The following SUDS3 variants were observed in gnomAD, a reference collection of about 807,000 sequenced individuals.
SUDS3 encodes SIN3A corepressor complex component SDS3.
Under a neutral mutation model 53.5 loss-of-function variants are expected in SUDS3, and 23 were observed. The observed-to-expected ratio is 0.43, with a 90% CI of 0.31 to 0.61. The LOEUF (loss-of-function observed/expected upper bound fraction) is 0.61. Ranked by LOEUF, SUDS3 falls within the 20% of genes least tolerant of loss-of-function variation. SUDS3 has a pLI of 0.10. For missense variants in SUDS3, 291 were observed against 405.9 expected, an observed-to-expected ratio of 0.72 and a Z score of 2.43; for synonymous variants, 150 against 148.5, an observed-to-expected ratio of 1.01 and a Z score of -0.08.
intron 3 of SUDS3, among the ~76,000 whole-genome samples, chr12:118,385,311 A>G (rs1373021378): frequency 6.6e-6 from 1 of 152,036 alleles, no homozygotes; most frequent in Non-Finnish European, 1.5e-5. Context: ...GTTTCACCAC[A>G]TTGGCCAGGC....
chr12:118,387,674 C>T lies in SUDS3; in HGVS notation c.340+1489C>T, dbSNP rs2046127455. ...TCAAGCGATTCTCATGCCTCAGCCT[C>T]CTGAGTAGCTGGAATTACAGGCGCC... is the stretch of plus-strand genomic sequence containing the variant. On this transcript the variant is annotated intron_variant, in intron 4 of 11. Coordinates refer to ENST00000543473, the MANE Select transcript of SUDS3 (RefSeq NM_022491.3). Among the ~76,000 whole-genome samples the T allele has an allele frequency of 2.0e-5, 3 of 152,134 alleles. No homozygotes were observed. In the South Asian group the frequency reaches 6.2e-4, roughly 32 times the overall value.
intron 6 of SUDS3, among the ~76,000 whole-genome samples, chr12:118,396,088 A>G (rs2046212647): frequency 6.6e-6 from 1 of 152,128 alleles, no homozygotes. Context: ...CTGCTAGAGA[A>G]GGGCATGATG....
At chr12:118,383,902 G>A in intron 2 of SUDS3, 110 bp from the exon 3 acceptor site, 1 of 921,690 alleles carries the variant, frequency 1.1e-6, no homozygotes, top group South Asian at 1.6e-5. Flanking sequence ...CTTCCCTGAA[G>A]GACATTAATG....
At chr12:118,397,897 C>T (rs1172790720) in intron 6 of SUDS3, among the ~76,000 whole-genome samples, 1 of 152,144 alleles carries the variant, frequency 6.6e-6, no homozygotes, top group Non-Finnish European at 1.5e-5. Flanking sequence ...GAGCAGAGCA[C>T]ACTCAGCCAC....
In SUDS3 at chr12:118,415,783, TGGG is replaced by T. The variant is rs151190913; in HGVS notation, c.*1354_*1356del. On this transcript the variant is annotated 3_prime_UTR_variant, in exon 12 of 12. Coordinates refer to ENST00000543473, the MANE Select transcript of SUDS3 (RefSeq NM_022491.3). ...TTGATGTACATACCCCCAAGCAAGT[TGGG>T]GGGACTGTGATGACAATTAAATCAC... 0.11 allele frequency: 17,451 copies of T among 152,036 alleles called. 1,262 individuals carry two copies. Among genetic ancestry groups the T allele is most frequent in the Middle Eastern group, 0.19 (56 of 294 alleles). 9.4% of individuals were successfully genotyped at this position (152,036 alleles called of 1,614,324 possible).
chr12:118,414,343 G>A lies in SUDS3; in HGVS notation c.897G>A (p.Val299=). 4 of 1,602,832 alleles carry A rather than the reference G, an allele frequency of 2.5e-6. No individual in the cohort carries two copies. In the South Asian group the frequency reaches 3.4e-5, roughly 14 times the overall value. Residue 299 remains valine (V), a synonymous_variant, in exon 12 of 12, where the codon GTG becomes GTA. Coordinates refer to ENST00000543473, the MANE Select transcript of SUDS3 (RefSeq NM_022491.3). ...TTTCCTCTCCCCTGCAGATCTGGGT[G>A]AGGAAGACAAGTGACAGCACCAAGA... ...ISSVGANEIW[V]RKTSDSTKMR...
chr12:118,403,569 A>T, intron 10 of SUDS3, 52 bp downstream of exon 10: 1 of 1,423,712 alleles, frequency 7.0e-7, no homozygotes. Context: ...AACCACTTGG[A>T]AAGAGGGCTG....
Position 118,401,138 on chromosome 12 carries a change from T to G in SUDS3, c.613+384T>G, listed in dbSNP as rs1180243079. Among the ~76,000 whole-genome samples the G allele has an allele frequency of 2.6e-5, 4 of 152,376 alleles. No homozygotes were observed. In the East Asian group the frequency reaches 5.8e-4, roughly 22 times the overall value. ...AGTAATATCTACCTTTATGTACCTC[T>G]GTTATCTATGTCCATAATGTAGTGG... is the stretch of plus-strand genomic sequence containing the variant. On this transcript the variant is annotated intron_variant, in intron 7 of 11. Coordinates refer to ENST00000543473, the MANE Select transcript of SUDS3 (RefSeq NM_022491.3).
At position 118,400,571 on chromosome 12, in the gene SUDS3, C is replaced by T. The variant is rs560388470; in HGVS notation, c.518-88C>T. On this transcript the variant is annotated intron_variant, in intron 6 of 11. Coordinates refer to ENST00000543473, the MANE Select transcript of SUDS3 (RefSeq NM_022491.3). ...CAGTAAAACAGTTCTGATTGGGTGG[C>T]TGGGGGGCAGATATTCTTATACTAT... The T allele has an allele frequency of 1.9e-5, 24 of 1,242,542 alleles. No individual in the cohort carries two copies. In the South Asian group the frequency reaches 2.6e-4, roughly 13 times the overall value. 77.0% of individuals were successfully genotyped at this position (1,242,542 alleles called of 1,614,324 possible).
At chr12:118,403,594 A>G (rs1194360273) in intron 10 of SUDS3, 77 bp downstream of exon 10, 2 of 1,172,566 alleles carry the variant, frequency 1.7e-6, no homozygotes, top group African/African-American at 3.1e-5. Context: ...TATTGTAGTT[A>G]TTTCAGATCA....
intron 5 of SUDS3, 88 bp downstream of exon 5, chr12:118,390,034 C>A: frequency 1.3e-6 from 2 of 1,511,970 alleles, no homozygotes; most frequent in Non-Finnish European, 1.8e-6. Context: ...CTTCTATCAC[C>A]AAGTAGATAG....
At chr12:118,406,190 C>T (rs1395498188) in intron 10 of SUDS3, among the ~76,000 whole-genome samples, 1 of 152,158 alleles carries the variant, frequency 6.6e-6, no homozygotes, top group Non-Finnish European at 1.5e-5. Context: ...ATTGATGGTA[C>T]GGGTGGACTT....
intron 1 of SUDS3, among the ~76,000 whole-genome samples, chr12:118,377,174 G>A (rs1335781074): frequency 1.3e-5 from 2 of 151,570 alleles, no homozygotes; most frequent in Non-Finnish European, 2.9e-5. Context: ...AGTGTAGTTC[G>A]CCCCTTTTTT....
At chr12:118,397,724 A>ATTTT (rs553865776) in intron 6 of SUDS3, among the ~76,000 whole-genome samples, 14 of 146,382 alleles carry the variant, frequency 9.6e-5, no homozygotes, top group African/African-American at 3.5e-4. Flanking sequence ...AATAAAATAG[A>ATTTT]TTTTTTTTTT....
At position 118,388,548 on chromosome 12, in the gene SUDS3, C is replaced by T. The variant is rs138087449; in HGVS notation, c.341-1379C>T. On this transcript the variant is annotated intron_variant, in intron 4 of 11. Transcript: ENST00000543473. ...AGTGGTGAGGGGAGCTGCTAGGTAA[C>T]AGTTACTAATCATCCGGCACATGGT... Among the ~76,000 whole-genome samples the T allele has an allele frequency of 3.8e-3, 573 of 152,218 alleles. 1 individual carries two copies. The highest frequency in any genetic ancestry group is 0.013 in the African/African-American group (527 of 41,528).
chr12:118,396,513 C>G (rs116583059), intron 6 of SUDS3, among the ~76,000 whole-genome samples: 3,944 of 152,296 alleles, frequency 0.026, 127 homozygotes, highest in African/African-American at 0.078. Flanking sequence ...CTTGGCCCCC[C>G]CAAAGTGCTG....
chr12:118,387,013 G>C (rs914060905), intron 4 of SUDS3, among the ~76,000 whole-genome samples: 37 of 152,262 alleles, frequency 2.4e-4, no homozygotes, highest in African/African-American at 8.7e-4. Context: ...TGAGGGTTGG[G>C]TGCCACTCCT....
At position 118,376,595 on chromosome 12, in the gene SUDS3, T is replaced by G. The variant is rs950749884; in HGVS notation, c.-97T>G. The G allele has an allele frequency of 1.0e-5, 13 of 1,246,316 alleles. No homozygotes were observed. The highest frequency in any genetic ancestry group is 4.2e-5 in the Admixed American group (1 of 23,616). The allele number at this position is 1,246,316 out of a possible 1,614,324, so 77.2% of individuals were successfully genotyped here. On this transcript the variant is annotated 5_prime_UTR_variant, in exon 1 of 12. Transcript: ENST00000543473. Reference sequence around the variant, plus strand: ...GTCGCCGTGGCTGCCGGTCCTCGAGTTGGGGGCTGCCGCGGACACTGCTAG... The same window carrying G: ...GTCGCCGTGGCTGCCGGTCCTCGAGGTGGGGGCTGCCGCGGACACTGCTAG...
At chr12:118,377,752 C>G (rs780704616) in intron 1 of SUDS3, among the ~76,000 whole-genome samples, 1 of 152,084 alleles carries the variant, frequency 6.6e-6, no homozygotes, top group East Asian at 1.9e-4. Context: ...CAAAGAGAGA[C>G]CGATATATGA....
Sources: gnomAD v4.1 joint callset for allele counts (sites outside exome capture counted in the v4.1 genomes callset) on GRCh38, gnomAD v4.1.1 for gene constraint, MANE v1.5 for transcripts, NCBI Gene and HGNC (gene_info 2026-07-23, HGNC 2026-07-21) for gene names.